The following RGL1 variants were observed in gnomAD, a reference collection of about 807,000 sequenced individuals.
The protein encoded by RGL1 is ral guanine nucleotide dissociation stimulator like 1.
RGL1 carries 24 observed loss-of-function variants against 95.2 expected under a neutral mutation model. That is an observed-to-expected ratio of 0.25 (90% confidence interval 0.18 to 0.35). The LOEUF is 0.35. Ranked by LOEUF, RGL1 falls within the 10% of genes least tolerant of loss-of-function variation. The pLI is 1.00. For synonymous variants in RGL1, 329 were observed against 344.9 expected, an observed-to-expected ratio of 0.95 and a Z score of 0.51; for missense variants, 715 against 936.3, an observed-to-expected ratio of 0.76 and a Z score of 3.08.
chr1:183,805,195 G>T lies in RGL1; in HGVS notation c.-103G>T. 6.6e-7 allele frequency: 1 copy of T among 1,504,046 alleles called. No individual in the cohort carries two copies. Among genetic ancestry groups the T allele is most frequent in the East Asian group, 2.6e-5 (1 of 38,350 alleles). The allele number at this position is 1,504,046 out of a possible 1,614,324, so 93.2% of individuals were successfully genotyped here. Reference sequence around the variant, plus strand: ...CTGTGCGCTGCGGTCGCTCGGGACCGGGACCGGGGCGAGGCGCCGCGGGGC... The same window carrying T: ...CTGTGCGCTGCGGTCGCTCGGGACCTGGACCGGGGCGAGGCGCCGCGGGGC... On this transcript the variant is annotated 5_prime_UTR_variant, in exon 1 of 18. Transcript: ENST00000360851.
intron 1 of RGL1, chr1:183,648,893 C>T (rs1257943291): frequency 2.3e-6 from 2 of 853,282 alleles, no homozygotes; most frequent in African/African-American, 3.4e-5. Flanking sequence ...ACCATACTTT[C>T]TTTAAAGGAA....
intron 17 of RGL1, among the ~76,000 whole-genome samples, chr1:183,924,472 TG>T (rs35871696): frequency 1.3e-5 from 2 of 151,638 alleles, no homozygotes; most frequent in South Asian, 2.1e-4. Flanking sequence ...CGGGGCCTGT[TG>T]GGGGGTGGAA....
intron 2 of RGL1, among the ~76,000 whole-genome samples, chr1:183,748,220 G>A (rs201260742): frequency 6.6e-5 from 10 of 151,220 alleles, no homozygotes; most frequent in East Asian, 5.8e-4. Context: ...TTCTCTTTTC[G>A]TCTTTATTAG....
intron 13 of RGL1, among the ~76,000 whole-genome samples, chr1:183,906,766 A>G (rs1321059248): frequency 1.4e-5 from 2 of 146,784 alleles, no homozygotes; most frequent in Non-Finnish European, 3.0e-5. Context: ...TATTTGAAAC[A>G]CGCAGAACTA....
chr1:183,827,531 G>A (rs1662952341), intron 2 of RGL1, among the ~76,000 whole-genome samples: 1 of 152,224 alleles, frequency 6.6e-6, no homozygotes, highest in South Asian at 2.1e-4. Flanking sequence ...GAATGAGTAA[G>A]TGCTTCTAAA....
At chr1:183,884,994 A>G (rs896781259) in intron 7 of RGL1, 56 bp downstream of exon 7, 19 of 1,448,984 alleles carry the variant, frequency 1.3e-5, no homozygotes, top group Non-Finnish European at 1.6e-5. Flanking sequence ...AGACTGCTCC[A>G]TCACTTCGTT....
chr1:183,731,357 A>C (rs1572342049), intron 1 of RGL1, among the ~76,000 whole-genome samples: 1 of 152,292 alleles, frequency 6.6e-6, no homozygotes, highest in South Asian at 2.1e-4. Flanking sequence ...TAGTGGAATA[A>C]TTATTTAGCT....
chr1:183,687,977 A>G (rs1653715227), intron 1 of RGL1, among the ~76,000 whole-genome samples: 1 of 152,172 alleles, frequency 6.6e-6, no homozygotes, highest in Non-Finnish European at 1.5e-5. Flanking sequence ...TTGTGTCAGC[A>G]AGATCTGGGT....
At chr1:183,786,099 C>CAAAATATGG (rs1660166547) in intron 2 of RGL1, among the ~76,000 whole-genome samples, 1 of 151,526 alleles carries the variant, frequency 6.6e-6, no homozygotes, top group Non-Finnish European at 1.5e-5. Context: ...ATCAATGAAA[C>CAAAATATGG]AAAATATGGA....
intron 1 of RGL1, among the ~76,000 whole-genome samples, chr1:183,671,014 T>C (rs12029926): frequency 0.084 from 12,811 of 152,180 alleles, 1,040 homozygotes; most frequent in African/African-American, 0.21. Context: ...AGGAAATTTA[T>C]GATTATGGCA....
At chr1:183,783,894 G>C (rs1660025779) in intron 2 of RGL1, among the ~76,000 whole-genome samples, 1 of 152,114 alleles carries the variant, frequency 6.6e-6, no homozygotes, top group South Asian at 2.1e-4. Flanking sequence ...ACTTTTCCAG[G>C]GTGTGGAGTT....
At chr1:183,769,132 TA>T (rs1223359213) in intron 2 of RGL1, among the ~76,000 whole-genome samples, 1 of 152,266 alleles carries the variant, frequency 6.6e-6, no homozygotes, top group African/African-American at 2.4e-5. Context: ...TAGACAAAGC[TA>T]GTTGTCATTT....
intron 2 of RGL1, among the ~76,000 whole-genome samples, chr1:183,847,084 C>T (rs1572496449): frequency 1.3e-5 from 2 of 152,064 alleles, no homozygotes; most frequent in Non-Finnish European, 2.9e-5. Flanking sequence ...ATACCTCCAC[C>T]ACCACCACCC....
Position 183,765,530 on chromosome 1 carries a change from T to G in RGL1, c.132+23241T>G, listed in dbSNP as rs115461336. On this transcript the variant is annotated intron_variant, in intron 2 of 18. Transcript: ENST00000304685. ...TTCAAACAAAAAAGAGCCATGAAAATTATTTCAATCCTCCTGTAGTTCAAT... is the reference window on the plus strand; with the variant it reads ...TTCAAACAAAAAAGAGCCATGAAAAGTATTTCAATCCTCCTGTAGTTCAAT... Among the ~76,000 whole-genome samples, 4 of 152,264 alleles carry G rather than the reference T, an allele frequency of 2.6e-5. 1 individual carries two copies. The highest frequency in any genetic ancestry group is 9.6e-5 in the African/African-American group (4 of 41,554).
intron 1 of RGL1, among the ~76,000 whole-genome samples, chr1:183,723,340 T>C (rs1656124294): frequency 1.3e-5 from 2 of 152,174 alleles, no homozygotes; most frequent in Non-Finnish European, 2.9e-5. Context: ...AACACCTTCG[T>C]AAGGACTGAA....
intron 16 of RGL1, among the ~76,000 whole-genome samples, chr1:183,917,278 CTG>C (rs1421525566): frequency 2.6e-5 from 4 of 152,180 alleles, no homozygotes; most frequent in Non-Finnish European, 4.4e-5. Flanking sequence ...CTTGTAAAAT[CTG>C]TGTGTTTCTG....
chr1:183,852,946 A>G (rs1261052589), intron 3 of RGL1, among the ~76,000 whole-genome samples: 1 of 152,216 alleles, frequency 6.6e-6, no homozygotes, highest in Non-Finnish European at 1.5e-5. Flanking sequence ...TGGCACAAGT[A>G]TCTAGAGTTT....
At chr1:183,846,965 C>G (rs549263896) in intron 2 of RGL1, among the ~76,000 whole-genome samples, 44 of 152,010 alleles carry the variant, frequency 2.9e-4, no homozygotes, top group African/African-American at 1.1e-3. Flanking sequence ...ATTAAAAATG[C>G]GCTTGGTAAA....
intron 1 of RGL1, among the ~76,000 whole-genome samples, chr1:183,677,339 C>T (rs569336094): frequency 2.6e-5 from 4 of 151,786 alleles, no homozygotes; most frequent in South Asian, 4.2e-4. Flanking sequence ...CACCTGAGCC[C>T]GCTGCCCATT....
Sources: gnomAD v4.1 joint callset for allele counts (sites outside exome capture counted in the v4.1 genomes callset) on GRCh38, gnomAD v4.1.1 for gene constraint, MANE v1.5 for transcripts, NCBI Gene and HGNC (gene_info 2026-07-23, HGNC 2026-07-21) for gene names.